Variants in DACT3 observed in about 807,000 individuals in gnomAD.
DACT3 encodes dishevelled binding antagonist of beta catenin 3.
Under a neutral mutation model 19.6 loss-of-function variants are expected in DACT3, and 5 were observed. The ratio of observed to expected loss-of-function variants is 0.26; its 90% CI spans 0.13 to 0.54. DACT3 has a LOEUF of 0.54. Among genes scored for constraint, DACT3 ranks in the 20% least tolerant of loss-of-function variants. DACT3 has a pLI of 0.95. For synonymous variants in DACT3, 454 were observed against 428.1 expected (o/e 1.06, Z -0.75); for missense variants, 908 against 927.4 (o/e 0.98, Z 0.27).
At position 46,661,142 on chromosome 19, in the gene DACT3, C is replaced by G; in HGVS notation, c.-78G>C. On this transcript the variant is annotated 5_prime_UTR_variant, in exon 1 of 4. Coordinates refer to ENST00000391916, the MANE Select transcript of DACT3 (RefSeq NM_145056.3). The stretch of plus-strand genomic sequence containing the variant: ...GGTCCCACCTCCCCGCCCCAGCAGC[C>G]TGCCCGCCCGCCCGCTGGCCGGGCT... The G allele has an allele frequency of 7.7e-7, 1 of 1,305,712 alleles. No individual in the cohort carries two copies. The highest frequency in any genetic ancestry group is 4.2e-5 in the Admixed American group (1 of 23,860). The allele number at this position is 1,305,712 out of a possible 1,614,324, so 80.9% of individuals were successfully genotyped here. A position where few individuals can be genotyped will look rare whatever the true frequency, so the allele number is the denominator to read the frequency against.
chr19:46,658,062 T>A (rs553406657), intron 1 of DACT3, among the ~76,000 whole-genome samples: 21 of 152,062 alleles, frequency 1.4e-4, no homozygotes, highest in Admixed American at 1.3e-3. Context: ...CATTGCACTC[T>A]GGCCTGGGTG....
At chr19:46,654,032 C>G in intron 1 of DACT3, 2 of 985,404 alleles carry the variant, frequency 2.0e-6, no homozygotes, top group African/African-American at 3.5e-5. Flanking sequence ...GAAAGAACCT[C>G]CCAAGCCTCC....
intron 1 of DACT3, among the ~76,000 whole-genome samples, chr19:46,655,911 CTCTCTCTCTCTCTCTA>C (rs1031484964): frequency 8.7e-5 from 9 of 103,622 alleles, no homozygotes; most frequent in African/African-American, 2.6e-4. Flanking sequence ...GTCTCTCTCT[CTCTCTCTCTCTCTCTA>C]TATATATATA....
At chr19:46,653,148 C>T in intron 1 of DACT3, 73 bp from the exon 2 acceptor site, 1 of 1,529,598 alleles carries the variant, frequency 6.5e-7, no homozygotes, top group South Asian at 1.2e-5. Flanking sequence ...ATTCCACGAG[C>T]TCATGGGCAG....
chr19:46,654,067 T>C (rs1320782671), intron 1 of DACT3: 2 of 985,276 alleles, frequency 2.0e-6, no homozygotes, highest in Non-Finnish European at 1.2e-6. Flanking sequence ...AGTCTAGCCT[T>C]ACTGGTACTG....
Position 46,660,895 on chromosome 19 carries a change from G to A in DACT3, c.170C>T (p.Ala57Val). Residue 57 changes from alanine to valine, a missense_variant, in exon 1 of 4, where the codon GCC becomes GTC. Transcript: ENST00000391916. The surrounding 1 kb of genome is among the most constrained non-coding windows in gnomAD (Gnocchi z 4.9). ...CTCATCGGCGTCCTCCTCGTCCTCG[G>A]CCTCGGCGCCCCCCATTCCGGGCTG... ...LAQPGMGGAE[A>V]EDEEDADEDE... 1 of 1,536,644 alleles carries A rather than the reference G, an allele frequency of 6.5e-7. No homozygotes were observed. Among genetic ancestry groups the A allele is most frequent in the Non-Finnish European group, 8.7e-7 (1 of 1,145,592 alleles).
chr19:46,650,010 T>TG (rs2052967289), intron 3 of DACT3, 138 bp from the exon 4 acceptor site: 5 of 975,110 alleles, frequency 5.1e-6, no homozygotes, highest in Non-Finnish European at 6.6e-6. Flanking sequence ...AACCCTGCTC[T>TG]CACACCTTCC....
intron 1 of DACT3, chr19:46,654,760 G>C: frequency 2.0e-6 from 2 of 985,340 alleles, no homozygotes; most frequent in Non-Finnish European, 2.4e-6. Context: ...GGTTTGGGAG[G>C]GCAGGCACCC....
Position 46,648,894 on chromosome 19 carries a change from C to T in DACT3, c.1478G>A (p.Arg493Gln). ...DAADGRRVRP[R>Q]APAARVPGPG... ...GCCGGGAACACGCGCCGCAGGGGCT[C>T]GGGGCCGCACGCGGCGCCCATCGGC... The change falls in exon 4 of 4, where the codon CGA becomes CAA. Residue 493 changes from arginine to glutamine, a missense_variant. By Grantham distance (43) the Arg-to-Gln change is conservative. Around this residue, in one of 2 missense-constraint regions of DACT3, gnomAD observed 656 missense variants for 601.8 expected, o/e 1.09. Coordinates refer to ENST00000391916, the MANE Select transcript of DACT3 (RefSeq NM_145056.3). The surrounding 1 kb of genome is among the most constrained non-coding windows in gnomAD (Gnocchi z 5.1). 1.5e-6 allele frequency: 2 copies of T among 1,368,804 alleles called. No homozygotes were observed. Among genetic ancestry groups the T allele is most frequent in the Non-Finnish European group, 1.9e-6 (2 of 1,069,874 alleles). The allele number at this position is 1,368,804 out of a possible 1,614,324, so 84.8% of individuals were successfully genotyped here. A position where few individuals can be genotyped will look rare whatever the true frequency, so the allele number is the denominator to read the frequency against.
chr19:46,649,963 G>A (rs2052966573), intron 3 of DACT3, 91 bp from the exon 4 acceptor site: 5 of 1,262,332 alleles, frequency 4.0e-6, no homozygotes, highest in Middle Eastern at 3.0e-4. Context: ...CGGAAGGGGC[G>A]GGTTGCCTCC....
chr19:46,651,598 G>A (rs1010260174), intron 3 of DACT3: 1 of 151,848 alleles, frequency 6.6e-6, no homozygotes, highest in Admixed American at 6.6e-5. Context: ...CCTTAGAGCA[G>A]AGGCTCACTG....
chr19:46,660,777 G>A lies in DACT3; in HGVS notation c.249+39C>T. Reference sequence around the variant, plus strand: ...CATCCAACCGAGACAGACAGACACAGACGGGGGTGGAGGGACGGACGGACA... The same window carrying A: ...CATCCAACCGAGACAGACAGACACAAACGGGGGTGGAGGGACGGACGGACA... On this transcript the variant is annotated intron_variant, in intron 1 of 3. Transcript: ENST00000391916. The surrounding 1 kb of genome is among the most constrained non-coding windows in gnomAD (Gnocchi z 4.9). 1 of 1,448,748 alleles carries A rather than the reference G, an allele frequency of 6.9e-7. No individual in the cohort carries two copies. Among genetic ancestry groups the A allele is most frequent in the Non-Finnish European group, 9.0e-7 (1 of 1,105,630 alleles). The allele number at this position is 1,448,748 out of a possible 1,614,324, so 89.7% of individuals were successfully genotyped here.
chr19:46,649,483 CG>C lies in DACT3; in HGVS notation c.888del (p.Gly297AlafsTer24). ...GGCTCCCGCGCGGGTCGCGCGCTGCCGGGGGACGGAGACGCGTCGGGCGGCC... is the reference window on the plus strand; with the variant it reads ...GGCTCCCGCGCGGGTCGCGCGCTGCCGGGGACGGAGACGCGTCGGGCGGCC... The part of the protein sequence containing the change: ...RQRPPDASPS[P>X]GSARPAREPS... On this transcript the variant is annotated frameshift_variant, in exon 4 of 4. Transcript: ENST00000391916. LOFTEE classifies it low-confidence loss of function (END_TRUNC). 8.8e-7 allele frequency: 1 copy of C among 1,137,378 alleles called. No individual in the cohort carries two copies. The highest frequency in any genetic ancestry group is 4.7e-5 in the East Asian group (1 of 21,484). The allele number at this position is 1,137,378 out of a possible 1,614,324, so 70.5% of individuals were successfully genotyped here. A position where few individuals can be genotyped will look rare whatever the true frequency, so the allele number is the denominator to read the frequency against.
chr19:46,648,419 T>C lies in DACT3; in HGVS notation c.*63A>G. Reference sequence around the variant, plus strand: ...TCTTTGGAAGGTAGATGTGGAAGGGTCAGTGGTTGGGAGTGTGGAGGTGCA... The same window carrying C: ...TCTTTGGAAGGTAGATGTGGAAGGGCCAGTGGTTGGGAGTGTGGAGGTGCA... On this transcript the variant is annotated 3_prime_UTR_variant, in exon 4 of 4. Coordinates refer to ENST00000391916, the MANE Select transcript of DACT3 (RefSeq NM_145056.3). The surrounding 1 kb of genome is among the most constrained non-coding windows in gnomAD (Gnocchi z 5.1). The C allele has an allele frequency of 6.2e-7, 1 of 1,608,704 alleles. No individual in the cohort carries two copies. Among genetic ancestry groups the C allele is most frequent in the Non-Finnish European group, 8.5e-7 (1 of 1,176,926 alleles).
Position 46,656,089 on chromosome 19 carries a change from C to T in DACT3, c.250-3014G>A, listed in dbSNP as rs1031955776. Among the ~76,000 whole-genome samples, 6 of 148,994 alleles carry T rather than the reference C, an allele frequency of 4.0e-5. No individual in the cohort carries two copies. The South Asian group carries it at 8.4e-4, about 21-fold the overall frequency. On this transcript the variant is annotated intron_variant, in intron 1 of 3. Coordinates refer to ENST00000391916, the MANE Select transcript of DACT3 (RefSeq NM_145056.3). ...TATTTATTTATTTTTGAGATGGAAT[C>T]TAGCTCTACCGCTCAGGCTGGAGTG... is the stretch of plus-strand genomic sequence containing the variant.
At chr19:46,656,734 A>G (rs541860116) in intron 1 of DACT3, among the ~76,000 whole-genome samples, 1 of 152,360 alleles carries the variant, frequency 6.6e-6, no homozygotes, top group Admixed American at 6.5e-5. Context: ...GAATGAGTCA[A>G]ATTTCTATAT....
chr19:46,659,142 A>G, intron 1 of DACT3: 1 of 985,050 alleles, frequency 1.0e-6, no homozygotes, highest in African/African-American at 1.7e-5. Flanking sequence ...CCCCAGCACT[A>G]GAGAAGTTTA....
chr19:46,659,924 A>G (rs1266801952), intron 1 of DACT3, among the ~76,000 whole-genome samples: 2 of 152,146 alleles, frequency 1.3e-5, no homozygotes. Flanking sequence ...GATCACAGAG[A>G]CAGAGAGACA....
At chr19:46,650,045 C>A (rs1411690040) in intron 3 of DACT3, 173 bp from the exon 4 acceptor site, 20 of 738,216 alleles carry the variant, frequency 2.7e-5, no homozygotes, top group Middle Eastern at 4.5e-4. Flanking sequence ...ATAATAAAAT[C>A]TTTACAGGGT....
Sources: gnomAD v4.1 joint callset for allele counts (sites outside exome capture counted in the v4.1 genomes callset) on GRCh38, gnomAD v4.1.1 for gene constraint, gnomAD v4.1.1 regional missense constraint, Gnocchi (gnomAD v3.1) non-coding constraint, MANE v1.5 for transcripts, NCBI Gene and HGNC (gene_info 2026-07-23, HGNC 2026-07-21) for gene names.